RFC5: variants seen among roughly 807,000 people sequenced by gnomAD.
The protein encoded by RFC5 is A1 36 kDa subunit.
A neutral mutation model predicts 44.3 loss-of-function variants in RFC5; 26 were observed. The ratio of observed to expected loss-of-function variants is 0.59; its 90% CI spans 0.43 to 0.81. The LOEUF (loss-of-function observed/expected upper bound fraction) is 0.81. RFC5 is among the 40% of genes least tolerant of loss of function. The probability of loss-of-function intolerance (pLI) is 0.00; values close to 1 mark genes in which losing one functional copy is unlikely to be tolerated. For synonymous variants in RFC5, 155 were observed against 155.2 expected (o/e 1.00, Z 0.01); for missense variants, 328 against 418.6 (o/e 0.78, Z 1.89).
chr12:118,036,527 G>A (rs778396707), downstream of RFC5: 7 of 1,603,010 alleles, frequency 4.4e-6, no homozygotes, highest in Non-Finnish European at 8.5e-7. Context: ...AAAGTAAGAA[G>A]TGCCTGGTTA....
intron 10 of RFC5, 139 bp downstream of exon 10, chr12:118,029,964 T>C (rs2031209841): frequency 2.8e-6 from 2 of 713,410 alleles, no homozygotes; most frequent in Non-Finnish European, 5.0e-6. Context: ...TGATATTGAA[T>C]GGAATGTGGG....
At chr12:118,028,499 A>C (rs2031105694) in intron 9 of RFC5, among the ~76,000 whole-genome samples, 1 of 151,572 alleles carries the variant, frequency 6.6e-6, no homozygotes, top group African/African-American at 2.4e-5. Context: ...AAAAAACAAA[A>C]CAAAACACAA....
intron 8 of RFC5, 43 bp downstream of exon 8, chr12:118,027,061 G>A (rs773712810): frequency 6.3e-7 from 1 of 1,591,824 alleles, no homozygotes; most frequent in Non-Finnish European, 8.5e-7. Context: ...ACCTGAAGGT[G>A]GCCCCAGGAG....
chr12:118,035,121 A>G (rs1274505880), downstream of RFC5: 2 of 1,613,452 alleles, frequency 1.2e-6, no homozygotes, highest in East Asian at 2.2e-5. Flanking sequence ...ACATCTGGAT[A>G]TTAGCTGACC....
At chr12:118,023,273 C>G (rs1456770235) in intron 5 of RFC5, among the ~76,000 whole-genome samples, 15 of 151,506 alleles carry the variant, frequency 9.9e-5, no homozygotes. Flanking sequence ...GTTCTTTTCT[C>G]TTAAAGGACA....
chr12:118,031,080 C>G (rs986011545), intron 10 of RFC5, 102 bp from the exon 11 acceptor site: 49 of 733,574 alleles, frequency 6.7e-5, no homozygotes, highest in Non-Finnish European at 1.1e-4. Context: ...ATTCCCATCC[C>G]CACTCCTTCA....
chr12:118,023,252 G>A (rs2030640249), intron 5 of RFC5, among the ~76,000 whole-genome samples: 1 of 151,472 alleles, frequency 6.6e-6, no homozygotes, highest in Non-Finnish European at 1.5e-5. Context: ...TGTCTTCAGG[G>A]GCCTAGCGCA....
chr12:118,026,030 A>G (rs536154617), intron 7 of RFC5, among the ~76,000 whole-genome samples: 2 of 151,908 alleles, frequency 1.3e-5, no homozygotes, highest in East Asian at 3.9e-4. Context: ...TTTAGTAGAG[A>G]TGGGGTTTCG....
At chr12:118,033,574 AGT>A (rs1308095403), downstream of RFC5, 2 of 151,420 alleles carry the variant, frequency 1.3e-5, no homozygotes, top group African/African-American at 2.4e-5. Context: ...AGCCAGTAAT[AGT>A]GTCTGGATCG....
chr12:118,022,708 G>T (rs1273279295), intron 5 of RFC5, among the ~76,000 whole-genome samples: 1 of 152,000 alleles, frequency 6.6e-6, no homozygotes, highest in Non-Finnish European at 1.5e-5. Context: ...TGGGTGATCC[G>T]CCCGCCTCGG....
At chr12:118,032,669 C>T (rs912510368), downstream of RFC5, 1 of 152,020 alleles carries the variant, frequency 6.6e-6, no homozygotes, top group African/African-American at 2.4e-5. Context: ...CTACCATGCA[C>T]ACCAGCACCA....
chr12:118,023,467 CGGAGGAGGAGGGTAGGGGGAGGT>C (rs1341360876), intron 5 of RFC5, among the ~76,000 whole-genome samples: 1 of 29,138 alleles, frequency 3.4e-5, no homozygotes, highest in Non-Finnish European at 6.7e-5. Flanking sequence ...GAGGAGAAGG[CGGAGGAGGAGGGTAGGGGGAGGT>C]GGAGGAGGAG....
At chr12:118,037,667 TAA>T (rs752087366), downstream of RFC5, among the ~76,000 whole-genome samples, 7 of 123,502 alleles carry the variant, frequency 5.7e-5, no homozygotes, top group African/African-American at 8.8e-5. Flanking sequence ...AAACTCTGTC[TAA>T]AAAAAAAAAA....
In RFC5 at chr12:118,016,727, G is replaced by C. The variant is rs937621528; in HGVS notation, c.-101G>C. ...CGAGAGTTGCTTTTGCGCGCGAACT[G>C]TAAGTGCCAGGGTCTCAGGGTCAGG... On this transcript the variant is annotated 5_prime_UTR_variant, in exon 1 of 11. Transcript: ENST00000454402. 4.2e-6 allele frequency: 4 copies of C among 962,294 alleles called. No individual in the cohort carries two copies. The highest frequency in any genetic ancestry group is 4.8e-6 in the Non-Finnish European group (3 of 619,832). The allele number at this position is 962,294 out of a possible 1,614,324, so 59.6% of individuals were successfully genotyped here. A position where few individuals can be genotyped will look rare whatever the true frequency, so the allele number is the denominator to read the frequency against.
At chr12:118,034,910 G>A, downstream of RFC5, 4 of 1,391,070 alleles carry the variant, frequency 2.9e-6, no homozygotes, top group Non-Finnish European at 3.0e-6. Context: ...AATTCTAGAT[G>A]GTTTCTTTCC....
In RFC5 at chr12:118,025,681, T is replaced by C. The variant is rs1264417849; in HGVS notation, c.582-66T>C. 7 of 888,880 alleles carry C rather than the reference T, an allele frequency of 7.9e-6. No individual in the cohort carries two copies. In the Admixed American group the frequency reaches 1.0e-4, roughly 13 times the overall value. 55.1% of individuals were successfully genotyped at this position (888,880 alleles called of 1,614,324 possible). ...AAGCCTTAATCATTCCAGGCCATCT[T>C]GTTCCTTTGGTGAATGCTGGTGCTC... On this transcript the variant is annotated intron_variant, in intron 6 of 10. Coordinates refer to ENST00000454402, the MANE Select transcript of RFC5 (RefSeq NM_007370.7).
downstream of RFC5, chr12:118,036,430 G>A: frequency 6.2e-7 from 1 of 1,614,244 alleles, no homozygotes; most frequent in Non-Finnish European, 8.5e-7. Flanking sequence ...AGTCGGGGGA[G>A]AAGTCACAAG....
intron 5 of RFC5, among the ~76,000 whole-genome samples, chr12:118,022,973 G>A (rs866882805): frequency 7.9e-5 from 12 of 152,188 alleles, no homozygotes; most frequent in African/African-American, 2.7e-4. Context: ...CCAGTCACTG[G>A]TGTTCAACCT....
the RFC5 span, among the ~76,000 whole-genome samples, chr12:118,038,838 G>A: frequency 1.3e-5 from 2 of 152,032 alleles, no homozygotes; most frequent in South Asian, 2.1e-4. Context: ...GTGCCACTGC[G>A]CCCAGCTCAT....
Sources: allele counts gnomAD v4.1 joint callset (sites outside exome capture counted in the v4.1 genomes callset), GRCh38; gene constraint gnomAD v4.1.1; transcripts MANE v1.5; gene names NCBI Gene and HGNC (gene_info 2026-07-23, HGNC 2026-07-21).